FTCDNL1: variants seen among roughly 807,000 people sequenced by gnomAD.
FTCDNL1 encodes the protein formiminotransferase N-terminal subdomain-containing protein.
FTCDNL1 carries 11 observed loss-of-function variants against 5.9 expected under a neutral mutation model. That is an observed-to-expected ratio of 1.87 (90% CI 1.18 to 3.10). The LOEUF is 3.10. Among genes scored for constraint, FTCDNL1 ranks in the 30% most tolerant of loss-of-function variants. The pLI, the probability that FTCDNL1 is intolerant of heterozygous loss-of-function variation, is 0.00. For missense variants in FTCDNL1, 115 were observed against 65.5 expected (o/e 1.76, Z -2.61); for synonymous variants, 58 against 24.8 (o/e 2.34, Z -3.99).
chr2:199,729,813 G>A, the FTCDNL1 span, among the ~76,000 whole-genome samples: 2 of 152,152 alleles, frequency 1.3e-5, no homozygotes, highest in African/African-American at 2.4e-5. Context: ...GTCCCATCAA[G>A]CTACCATTGA....
chr2:199,800,061 TCA>T (rs1439321488), intron 3 of FTCDNL1, among the ~76,000 whole-genome samples: 1 of 152,112 alleles, frequency 6.6e-6, no homozygotes, highest in African/African-American at 2.4e-5. Context: ...CACAGTATAA[TCA>T]CTTTAGTAAT....
chr2:199,681,412 C>T, the FTCDNL1 span, among the ~76,000 whole-genome samples: 2 of 151,824 alleles, frequency 1.3e-5, no homozygotes, highest in African/African-American at 2.4e-5. Context: ...GCCAAGATTG[C>T]GCCATTGCAC....
chr2:199,745,086 A>G, the FTCDNL1 span, among the ~76,000 whole-genome samples: 2 of 152,198 alleles, frequency 1.3e-5, no homozygotes, highest in Admixed American at 6.5e-5. Flanking sequence ...TTTTCCCCAC[A>G]TGTCAGTCTA....
At position 199,809,314 on chromosome 2, in the gene FTCDNL1, C is replaced by T. The variant is rs1700901629; in HGVS notation, c.*3391G>A. The stretch of plus-strand genomic sequence containing the variant: ...CTACATTGACCAAGCTGGTCTCAAA[C>T]TCCTGGGTTCAAGTGATCCTCCTAC... On this transcript the variant is annotated 3_prime_UTR_variant, in exon 5 of 5. Coordinates refer to ENST00000420128, the MANE Select transcript of FTCDNL1 (RefSeq NM_001363886.2). Among the ~76,000 whole-genome samples, 1 of 150,720 alleles carries T rather than the reference C, an allele frequency of 6.6e-6. No homozygotes were observed. The highest frequency in any genetic ancestry group is 2.1e-4 in the South Asian group (1 of 4,736).
chr2:199,794,855 G>T (rs994606441), intron 3 of FTCDNL1, among the ~76,000 whole-genome samples: 3 of 152,216 alleles, frequency 2.0e-5, no homozygotes, highest in Non-Finnish European at 4.4e-5. Context: ...CTCCAGTCCA[G>T]CCTGGGTGAC....
chr2:199,716,428 T>G, the FTCDNL1 span, among the ~76,000 whole-genome samples: 1 of 152,188 alleles, frequency 6.6e-6, no homozygotes, highest in Non-Finnish European at 1.5e-5. Context: ...AATGTTTGGA[T>G]GACATTTTCC....
the FTCDNL1 span, among the ~76,000 whole-genome samples, chr2:199,726,599 G>A: frequency 1.3e-5 from 2 of 152,180 alleles, no homozygotes; most frequent in African/African-American, 4.8e-5. Context: ...TGATATTGTT[G>A]TTGTTATTGT....
chr2:199,674,150 A>T, the FTCDNL1 span, among the ~76,000 whole-genome samples: 5,261 of 152,270 alleles, frequency 0.035, 415 homozygotes, highest in East Asian at 0.26. Flanking sequence ...CAGGGCAGCC[A>T]CTGAAGGAAA....
the FTCDNL1 span, among the ~76,000 whole-genome samples, chr2:199,738,393 T>C: frequency 6.6e-6 from 1 of 152,246 alleles, no homozygotes; most frequent in African/African-American, 2.4e-5. Flanking sequence ...TCATGTTTAT[T>C]AATAAAGAGC....
the FTCDNL1 span, among the ~76,000 whole-genome samples, chr2:199,717,986 C>CAAAAAAAAAAAAA: frequency 7.0e-6 from 1 of 142,546 alleles, no homozygotes; most frequent in Non-Finnish European, 1.5e-5. Flanking sequence ...ACCAAAAAAA[C>CAAAAAAAAAAAAA]AAAAAAAAAA....
chr2:199,767,370 T>A (rs575457754), intron 3 of FTCDNL1, among the ~76,000 whole-genome samples: 3 of 152,322 alleles, frequency 2.0e-5, no homozygotes, highest in African/African-American at 7.2e-5. Context: ...CAGCTTCTAC[T>A]TGAATCCCTC....
chr2:199,715,987 A>G, the FTCDNL1 span, among the ~76,000 whole-genome samples: 1 of 148,382 alleles, frequency 6.7e-6, no homozygotes, highest in Non-Finnish European at 1.5e-5. Flanking sequence ...CTTTAGAAAT[A>G]TATCCCGCAT....
chr2:199,710,341 A>T, the FTCDNL1 span, among the ~76,000 whole-genome samples: 1 of 152,144 alleles, frequency 6.6e-6, no homozygotes, highest in Non-Finnish European at 1.5e-5. Context: ...GGTGTGAGTT[A>T]TGGTGCTGTT....
chr2:199,722,955 A>AT, the FTCDNL1 span, among the ~76,000 whole-genome samples: 620 of 147,970 alleles, frequency 4.2e-3, 5 homozygotes, highest in Non-Finnish European at 6.9e-3. Context: ...AATACTTGTG[A>AT]TTTTTTTTTC....
chr2:199,732,635 A>G, the FTCDNL1 span, among the ~76,000 whole-genome samples: 1 of 151,826 alleles, frequency 6.6e-6, no homozygotes, highest in African/African-American at 2.4e-5. Flanking sequence ...GAAAAAAAAA[A>G]GTTTCAGAAT....
At chr2:199,771,807 A>T (rs1698823342) in intron 3 of FTCDNL1, among the ~76,000 whole-genome samples, 1 of 152,240 alleles carries the variant, frequency 6.6e-6, no homozygotes, top group Non-Finnish European at 1.5e-5. Flanking sequence ...CAATTAAAGC[A>T]GTAGAATTAG....
At chr2:199,760,177 G>T (rs11894129), downstream of FTCDNL1, among the ~76,000 whole-genome samples, 1 of 150,680 alleles carries the variant, frequency 6.6e-6, no homozygotes, top group Admixed American at 6.6e-5. Flanking sequence ...CGGGGGAGTC[G>T]TAAGGAAGAA....
intron 3 of FTCDNL1, among the ~76,000 whole-genome samples, chr2:199,763,641 C>T (rs980094542): frequency 1.2e-4 from 18 of 151,948 alleles, no homozygotes; most frequent in African/African-American, 3.6e-4. Context: ...ATTTGAATGC[C>T]GAGACTATTT....
At position 199,809,744 on chromosome 2, in the gene FTCDNL1, T is replaced by C. The variant is rs1176417947; in HGVS notation, c.*2961A>G. Among the ~76,000 whole-genome samples the C allele has an allele frequency of 1.3e-5, 2 of 152,186 alleles. No homozygotes were observed. The highest frequency in any genetic ancestry group is 2.9e-5 in the Non-Finnish European group (2 of 68,036). ...TTCCTTGAAGTCATGCCCAACACCA[T>C]CATGCCATCTCCCCAATATAAACAT... On this transcript the variant is annotated 3_prime_UTR_variant, in exon 5 of 5. Transcript: ENST00000420128.
Sources: gnomAD v4.1 joint callset for allele counts (sites outside exome capture counted in the v4.1 genomes callset) on GRCh38, gnomAD v4.1.1 for gene constraint, MANE v1.5 for transcripts, NCBI Gene and HGNC (gene_info 2026-07-23, HGNC 2026-07-21) for gene names.